ANO3: variants seen among roughly 807,000 people sequenced by gnomAD.
The protein encoded by ANO3 is anoctamin-3.
In ANO3, 99 loss-of-function variants were observed where a neutral mutation model predicts 144.8. The ratio of observed to expected loss-of-function variants is 0.68; its 90% CI spans 0.58 to 0.81. The LOEUF is 0.81. ANO3 is among the 30% of genes least tolerant of loss of function. The probability of loss-of-function intolerance (pLI) is 0.00; values close to 1 mark genes in which losing one functional copy is unlikely to be tolerated. For synonymous variants in ANO3, 414 were observed against 392.6 expected (o/e 1.05, Z -0.64); for missense variants, 905 against 1,202.2 (o/e 0.75, Z 3.66).
chr11:26,465,914 T>C (rs767690790), intron 4 of ANO3, among the ~76,000 whole-genome samples: 1 of 151,996 alleles, frequency 6.6e-6, no homozygotes, highest in Non-Finnish European at 1.5e-5. Flanking sequence ...TATAGTTTGC[T>C]GTAGAATTAA....
At chr11:26,451,475 G>C (rs1056503531) in intron 3 of ANO3, among the ~76,000 whole-genome samples, 1 of 152,160 alleles carries the variant, frequency 6.6e-6, no homozygotes, top group South Asian at 2.1e-4. Context: ...ACGGAGTCTC[G>C]CTGATTGCTA....
chr11:26,658,953 CAT>C (rs1169902592), intron 26 of ANO3, among the ~76,000 whole-genome samples: 17 of 152,140 alleles, frequency 1.1e-4, no homozygotes, highest in Non-Finnish European at 2.1e-4. Flanking sequence ...CTATTAGTAT[CAT>C]GTTTTTTCCT....
chr11:26,522,322 T>C (rs927092679), intron 6 of ANO3, among the ~76,000 whole-genome samples: 1 of 152,180 alleles, frequency 6.6e-6, no homozygotes, highest in Non-Finnish European at 1.5e-5. Flanking sequence ...GAGGCCAATC[T>C]ATAAAATAGG....
At chr11:26,376,016 T>C (rs1168810497) in intron 1 of ANO3, among the ~76,000 whole-genome samples, 3 of 152,274 alleles carry the variant, frequency 2.0e-5, no homozygotes, top group East Asian at 3.9e-4. Flanking sequence ...ATTCAAAGAA[T>C]AGCATGATGT....
At chr11:26,199,032 C>T (rs1011734001) in intron 1 of ANO3, among the ~76,000 whole-genome samples, 1 of 152,042 alleles carries the variant, frequency 6.6e-6, no homozygotes, top group African/African-American at 2.4e-5. Flanking sequence ...AAGCAAACCT[C>T]AAATCCTAAT....
At chr11:26,390,043 A>G (rs1856835321) in intron 1 of ANO3, among the ~76,000 whole-genome samples, 1 of 152,076 alleles carries the variant, frequency 6.6e-6, no homozygotes, top group Non-Finnish European at 1.5e-5. Flanking sequence ...AAGACAATAA[A>G]TCATCAATAA....
chr11:26,355,035 A>C (rs1347617402), intron 1 of ANO3, among the ~76,000 whole-genome samples: 1 of 150,318 alleles, frequency 6.7e-6, no homozygotes, highest in South Asian at 2.1e-4. Flanking sequence ...CCCTCTGAAG[A>C]TGCCCCTTCA....
At chr11:26,472,293 T>A (rs764784766) in intron 4 of ANO3, among the ~76,000 whole-genome samples, 1 of 151,930 alleles carries the variant, frequency 6.6e-6, no homozygotes, top group Admixed American at 6.6e-5. Context: ...AGTTTCAATA[T>A]TAATAATAAT....
chr11:26,481,554 A>G (rs1053519503), intron 4 of ANO3, among the ~76,000 whole-genome samples: 2 of 152,234 alleles, frequency 1.3e-5, no homozygotes, highest in African/African-American at 4.8e-5. Context: ...GTTGAATACT[A>G]TAAAGGTAGT....
intron 4 of ANO3, among the ~76,000 whole-genome samples, chr11:26,487,854 G>C (rs1860522216): frequency 6.6e-6 from 1 of 152,132 alleles, no homozygotes; most frequent in Non-Finnish European, 1.5e-5. Flanking sequence ...TTCAAAAGGT[G>C]ATTTAGGTGC....
intron 1 of ANO3, among the ~76,000 whole-genome samples, chr11:26,213,470 C>T (rs887005483): frequency 5.9e-5 from 9 of 152,106 alleles, no homozygotes; most frequent in African/African-American, 2.2e-4. Context: ...CAAAAGCATT[C>T]TTATACACCA....
intron 23 of ANO3, among the ~76,000 whole-genome samples, chr11:26,646,631 T>C (rs1387423151): frequency 6.6e-6 from 1 of 152,088 alleles, no homozygotes; most frequent in East Asian, 1.9e-4. Context: ...CTCTGAATAC[T>C]AGTGATTTAA....
intron 1 of ANO3, among the ~76,000 whole-genome samples, chr11:26,433,722 A>G (rs986753722): frequency 3.9e-5 from 6 of 152,134 alleles, no homozygotes; most frequent in African/African-American, 1.2e-4. Context: ...TGCATGTTGA[A>G]CCAACCTTGA....
At chr11:26,559,158 A>G (rs1590525932) in intron 13 of ANO3, 1 of 152,288 alleles carries the variant, frequency 6.6e-6, no homozygotes, top group East Asian at 1.9e-4. Context: ...ACTTTGTTTC[A>G]TAAGTGTTCA....
intron 1 of ANO3, among the ~76,000 whole-genome samples, chr11:26,227,061 T>C (rs1427701736): frequency 6.6e-6 from 1 of 152,186 alleles, no homozygotes; most frequent in African/African-American, 2.4e-5. Flanking sequence ...TTTGTCCTTT[T>C]GTGACTGGCT....
chr11:26,414,902 G>T (rs1489122925), intron 1 of ANO3, among the ~76,000 whole-genome samples: 1 of 151,794 alleles, frequency 6.6e-6, no homozygotes, highest in Admixed American at 6.6e-5. Context: ...CAATTTGTTT[G>T]TTTTAATTCC....
intron 5 of ANO3, among the ~76,000 whole-genome samples, chr11:26,512,405 T>C (rs1293352993): frequency 6.6e-6 from 1 of 152,198 alleles, no homozygotes; most frequent in Non-Finnish European, 1.5e-5. Context: ...TAGTGCCAGA[T>C]TGGCAGTTTT....
intron 12 of ANO3, among the ~76,000 whole-genome samples, chr11:26,550,176 G>T (rs1017425836): frequency 1.3e-5 from 2 of 151,246 alleles, no homozygotes; most frequent in Non-Finnish European, 2.9e-5. Flanking sequence ...ATATGATTAT[G>T]ATTAATATAT....
intron 17 of ANO3, among the ~76,000 whole-genome samples, chr11:26,611,593 T>C (rs890525814): frequency 6.6e-6 from 1 of 152,178 alleles, no homozygotes; most frequent in Non-Finnish European, 1.5e-5. Context: ...AGCTGTTGGA[T>C]GGAATGTTCT....
Sources: allele counts gnomAD v4.1 joint callset (sites outside exome capture counted in the v4.1 genomes callset), GRCh38; gene constraint gnomAD v4.1.1; transcripts MANE v1.5; gene names NCBI Gene and HGNC (gene_info 2026-07-23, HGNC 2026-07-21).